The following PRKG1 variants were observed in gnomAD, a reference collection of about 807,000 sequenced individuals.
PRKG1 encodes the protein cGMP-dependent protein kinase 1.
Under a neutral mutation model 88.1 loss-of-function variants are expected in PRKG1, and 35 were observed. That is an observed-to-expected ratio of 0.40 (90% CI 0.30 to 0.53). The LOEUF (loss-of-function observed/expected upper bound fraction) is 0.53. PRKG1 is among the 20% of genes least tolerant of loss of function. The pLI is 0.59. For synonymous variants in PRKG1, 303 were observed against 292.5 expected (o/e 1.04, Z -0.37); for missense variants, 540 against 839.8 (o/e 0.64, Z 4.41).
chr10:51,850,680 C>A (rs1840530591), intron 4 of PRKG1, among the ~76,000 whole-genome samples: 1 of 151,916 alleles, frequency 6.6e-6, no homozygotes, highest in Non-Finnish European at 1.5e-5. Context: ...GAAAAATGGG[C>A]AAAGGTCATG....
chr10:51,445,550 G>A (rs866431869), intron 2 of PRKG1, among the ~76,000 whole-genome samples: 33 of 151,766 alleles, frequency 2.2e-4, no homozygotes, highest in African/African-American at 6.3e-4. Context: ...CAACAACAAC[G>A]AACAGTGAAG....
At chr10:51,431,375 G>T (rs887219585) in intron 2 of PRKG1, among the ~76,000 whole-genome samples, 3 of 152,208 alleles carry the variant, frequency 2.0e-5, no homozygotes, top group African/African-American at 7.2e-5. Flanking sequence ...CAGGGAAGGG[G>T]TAGGAGTTTC....
At chr10:51,226,017 A>G (rs1838682823) in intron 2 of PRKG1, among the ~76,000 whole-genome samples, 1 of 152,182 alleles carries the variant, frequency 6.6e-6, no homozygotes, top group Admixed American at 6.5e-5. Flanking sequence ...CAGCCTGGGC[A>G]ACACGGTGAA....
At chr10:52,010,243 A>G (rs1307109132) in intron 5 of PRKG1, among the ~76,000 whole-genome samples, 1 of 152,220 alleles carries the variant, frequency 6.6e-6, no homozygotes, top group Non-Finnish European at 1.5e-5. Flanking sequence ...CACAGCTTAC[A>G]GAGTAGGAGA....
At chr10:52,078,786 A>C (rs749569024) in intron 7 of PRKG1, among the ~76,000 whole-genome samples, 8 of 152,262 alleles carry the variant, frequency 5.3e-5, no homozygotes, top group Non-Finnish European at 1.2e-4. Context: ...GTGTCTAAAT[A>C]TCCTGAAAAG....
intron 7 of PRKG1, among the ~76,000 whole-genome samples, chr10:52,112,933 AG>A (rs369506596): frequency 8.3e-4 from 126 of 152,312 alleles, no homozygotes; most frequent in African/African-American, 2.9e-3. Flanking sequence ...TTATGCTGCA[AG>A]AAGTGTAATT....
intron 5 of PRKG1, among the ~76,000 whole-genome samples, chr10:51,923,841 T>C (rs1393735874): frequency 1.3e-5 from 2 of 152,082 alleles, no homozygotes; most frequent in African/African-American, 4.8e-5. Flanking sequence ...AATGCTTTTT[T>C]TTTTTGAGAC....
chr10:51,159,517 A>T (rs549845921), intron 2 of PRKG1, among the ~76,000 whole-genome samples: 1 of 152,304 alleles, frequency 6.6e-6, no homozygotes, highest in African/African-American at 2.4e-5. Context: ...ACTTATATAA[A>T]AACAAAACAA....
At chr10:51,063,333 C>T (rs564594304) in intron 1 of PRKG1, among the ~76,000 whole-genome samples, 1 of 152,222 alleles carries the variant, frequency 6.6e-6, no homozygotes, top group African/African-American at 2.4e-5. Flanking sequence ...TGTATTTACA[C>T]AAACCTAGAT....
intron 3 of PRKG1, among the ~76,000 whole-genome samples, chr10:51,590,402 C>T (rs1323141038): frequency 6.6e-6 from 1 of 152,092 alleles, no homozygotes; most frequent in East Asian, 1.9e-4. Context: ...AATTTTCTTT[C>T]CCCATTGTAT....
At position 51,756,816 on chromosome 10, in the gene PRKG1, A is replaced by AAAAT. The variant is rs577394250; in HGVS notation, c.593-47749_593-47746dup. Among the ~76,000 whole-genome samples the AAAAT allele has an allele frequency of 6.6e-5, 10 of 151,582 alleles. No homozygotes were observed. The South Asian group carries it at 1.0e-3, about 16-fold the overall frequency. ...GGTGACAGTGCGAAACTCCATCTCA[A>AAAAT]AAATAAATAAATAAATAAATAAAAT... is the stretch of plus-strand genomic sequence containing the variant. On this transcript the variant is annotated intron_variant, in intron 3 of 17. Transcript: ENST00000373980.
At chr10:51,621,627 A>G (rs984769195) in intron 3 of PRKG1, among the ~76,000 whole-genome samples, 1 of 152,140 alleles carries the variant, frequency 6.6e-6, no homozygotes, top group Non-Finnish European at 1.5e-5. Flanking sequence ...GGAAAAACCA[A>G]AACCTCTATC....
chr10:51,404,682 G>A (rs548375414), intron 2 of PRKG1, among the ~76,000 whole-genome samples: 25 of 152,280 alleles, frequency 1.6e-4, no homozygotes, highest in African/African-American at 6.0e-4. Flanking sequence ...ATAAGATCAT[G>A]CCAATTAAAT....
chr10:51,173,766 A>G (rs573405070), intron 2 of PRKG1, among the ~76,000 whole-genome samples: 1 of 151,976 alleles, frequency 6.6e-6, no homozygotes, highest in African/African-American at 2.4e-5. Context: ...ACTAGATTTA[A>G]AAGGAGCTAA....
At chr10:51,228,091 C>T (rs1838740597) in intron 2 of PRKG1, among the ~76,000 whole-genome samples, 3 of 152,118 alleles carry the variant, frequency 2.0e-5, no homozygotes. Context: ...CTGGAGGCTT[C>T]ACGGTACCAG....
At chr10:51,071,228 TTGG>T (rs1211115518), upstream of PRKG1, among the ~76,000 whole-genome samples, 4 of 152,206 alleles carry the variant, frequency 2.6e-5, no homozygotes, top group Admixed American at 6.5e-5. Context: ...TAAGAAAATA[TTGG>T]AAACACTCAA....
intron 1 of PRKG1, among the ~76,000 whole-genome samples, chr10:51,036,639 G>A (rs1297865886): frequency 6.6e-6 from 1 of 152,044 alleles, no homozygotes; most frequent in Non-Finnish European, 1.5e-5. Flanking sequence ...ATTATTGGAA[G>A]GAAAGGGAAG....
intron 5 of PRKG1, among the ~76,000 whole-genome samples, chr10:51,925,247 T>C (rs146731471): frequency 3.3e-5 from 5 of 152,148 alleles, no homozygotes; most frequent in Non-Finnish European, 7.4e-5. Flanking sequence ...TTATCATTTG[T>C]TGTAGCTGTA....
At chr10:52,013,237 T>C (rs1274013545) in intron 5 of PRKG1, among the ~76,000 whole-genome samples, 1 of 151,946 alleles carries the variant, frequency 6.6e-6, no homozygotes, top group Non-Finnish European at 1.5e-5. Flanking sequence ...GCTAACACGG[T>C]GAAACCCCGT....
Sources: allele counts gnomAD v4.1 joint callset (sites outside exome capture counted in the v4.1 genomes callset), GRCh38; gene constraint gnomAD v4.1.1; transcripts MANE v1.5; gene names NCBI Gene and HGNC (gene_info 2026-07-23, HGNC 2026-07-21).